Variants in TGIF1 observed in about 807,000 individuals in gnomAD.
TGIF1 encodes the protein TGFB induced factor homeobox 1.
A neutral mutation model predicts 19.3 loss-of-function variants in TGIF1; 4 were observed. The ratio of observed to expected loss-of-function variants is 0.21; its 90% CI spans 0.10 to 0.47. The LOEUF (loss-of-function observed/expected upper bound fraction) is 0.47. Ranked by LOEUF, TGIF1 falls within the 20% of genes least tolerant of loss-of-function variation. The pLI is 0.98. For missense variants in TGIF1, 275 were observed against 341.4 expected, an observed-to-expected ratio of 0.81 and a Z score of 1.53; for synonymous variants, 122 against 129.3, an observed-to-expected ratio of 0.94 and a Z score of 0.38.
intron 2 of TGIF1, among the ~76,000 whole-genome samples, chr18:3,434,414 T>C (rs146145681): frequency 1.8e-3 from 270 of 152,222 alleles, no homozygotes; most frequent in Non-Finnish European, 2.5e-3. Flanking sequence ...TGCATGCCTG[T>C]AATCCCAGCT....
In TGIF1 at chr18:3,451,924, C is replaced by G; in HGVS notation, c.16+1419C>G. Reference sequence around the variant, plus strand: ...GAGGACTGACAGGTCTAGAGACACGCGCTGTCTGTTGTGGTGGGCCTCCCG... The same window carrying G: ...GAGGACTGACAGGTCTAGAGACACGGGCTGTCTGTTGTGGTGGGCCTCCCG... On this transcript the variant is annotated intron_variant, in intron 1 of 2. Coordinates refer to ENST00000343820, the MANE Select transcript of TGIF1 (RefSeq NM_003244.4). The surrounding 1 kb of genome is among the most constrained non-coding windows in gnomAD (Gnocchi z 5.4). The G allele has an allele frequency of 6.5e-7, 1 of 1,534,636 alleles. No homozygotes were observed.
intron 2 of TGIF1, among the ~76,000 whole-genome samples, chr18:3,427,336 G>T (rs2082485680): frequency 6.6e-6 from 1 of 151,408 alleles, no homozygotes; most frequent in Admixed American, 6.6e-5. Context: ...CTGTTGCCCA[G>T]GCTAGAGTGC....
At chr18:3,450,726 TG>T (rs2082886155) in intron 1 of TGIF1, among the ~76,000 whole-genome samples, 1 of 152,242 alleles carries the variant, frequency 6.6e-6, no homozygotes. Flanking sequence ...CTCTCCACGC[TG>T]CTGGCACGTT....
At position 3,456,851 on chromosome 18, in the gene TGIF1, T is replaced by A. The variant is rs2049373220; in HGVS notation, c.243+271T>A. On this transcript the variant is annotated intron_variant, in intron 2 of 2. Transcript: ENST00000343820. This position sits in a 1 kb window ranked among gnomAD's most constrained non-coding sequence, Gnocchi z 4.2. ...ATTAAAAGGAGGTTAAACCTTACTC[T>A]ATTGTCCAGGAAACTGGTTTGATAT... 1 of 610,656 alleles carries A rather than the reference T, an allele frequency of 1.6e-6. No individual in the cohort carries two copies. The highest frequency in any genetic ancestry group is 1.9e-5 in the African/African-American group (1 of 54,028). The allele number at this position is 610,656 out of a possible 1,614,324, so 37.8% of individuals were successfully genotyped here. A position where few individuals can be genotyped will look rare whatever the true frequency, so the allele number is the denominator to read the frequency against.
upstream of TGIF1, chr18:3,448,703 A>C: frequency 1.8e-6 from 1 of 545,440 alleles, no homozygotes; most frequent in Non-Finnish European, 2.2e-6. Flanking sequence ...CACGCATTCT[A>C]GGGGCGGGGG....
intron 2 of TGIF1, among the ~76,000 whole-genome samples, chr18:3,430,618 C>T (rs2082534565): frequency 1.3e-5 from 2 of 152,022 alleles, no homozygotes; most frequent in African/African-American, 4.8e-5. Context: ...AATCCTCCCA[C>T]CTCAGCCTCC....
At chr18:3,414,583 C>T (rs1044162150) in intron 1 of TGIF1, among the ~76,000 whole-genome samples, 1 of 152,186 alleles carries the variant, frequency 6.6e-6, no homozygotes, top group African/African-American at 2.4e-5. Flanking sequence ...TGGCTCTACC[C>T]AGTGAACTTA....
intron 1 of TGIF1, among the ~76,000 whole-genome samples, chr18:3,413,498 A>G (rs941584784): frequency 7.9e-5 from 12 of 152,076 alleles, no homozygotes; most frequent in African/African-American, 2.9e-4. Context: ...TCGAGTTGTT[A>G]TTTTTCTCTG....
intron 2 of TGIF1, among the ~76,000 whole-genome samples, chr18:3,422,897 T>G (rs545554598): frequency 2.6e-5 from 4 of 152,034 alleles, no homozygotes; most frequent in Admixed American, 6.6e-5. Context: ...CACCGTGTTA[T>G]CCAGGATGGT....
Position 3,451,912 on chromosome 18 carries a change from T to C in TGIF1, c.16+1407T>C. The C allele has an allele frequency of 6.5e-7, 1 of 1,528,448 alleles. No individual in the cohort carries two copies. Among genetic ancestry groups the C allele is most frequent in the Non-Finnish European group, 8.8e-7 (1 of 1,138,618 alleles). The allele number at this position is 1,528,448 out of a possible 1,614,324, so 94.7% of individuals were successfully genotyped here. Reference sequence around the variant, plus strand: ...GCCGACCCTTGGGAGGACTGACAGGTCTAGAGACACGCGCTGTCTGTTGTG... The same window carrying C: ...GCCGACCCTTGGGAGGACTGACAGGCCTAGAGACACGCGCTGTCTGTTGTG... On this transcript the variant is annotated intron_variant, in intron 1 of 2. Coordinates refer to ENST00000343820, the MANE Select transcript of TGIF1 (RefSeq NM_003244.4). The surrounding 1 kb of genome is among the most constrained non-coding windows in gnomAD (Gnocchi z 5.4).
At chr18:3,430,881 G>A (rs974290763) in intron 2 of TGIF1, among the ~76,000 whole-genome samples, 3 of 152,064 alleles carry the variant, frequency 2.0e-5, no homozygotes, top group Non-Finnish European at 4.4e-5. Flanking sequence ...TGGCTCTTCA[G>A]TAGCTTTTAA....
At chr18:3,447,141 T>C (rs948631427), upstream of TGIF1, among the ~76,000 whole-genome samples, 5 of 152,154 alleles carry the variant, frequency 3.3e-5, no homozygotes, top group African/African-American at 7.2e-5. Context: ...TTGCTTGGCC[T>C]TGAGGCAGCT....
At chr18:3,426,196 T>A (rs1598861994) in intron 2 of TGIF1, among the ~76,000 whole-genome samples, 1 of 121,172 alleles carries the variant, frequency 8.3e-6, no homozygotes, top group Non-Finnish European at 1.6e-5. Context: ...TGAGACAGGG[T>A]CTTGCTCTGT....
At position 3,443,280 on chromosome 18, in the gene TGIF1, A is replaced by G. The variant is rs369157780; in HGVS notation, c.-44-13074A>G. Reference sequence around the variant, plus strand: ...CAATTAAATGCTCATTACTAAGAAAATAAATGAAAAAGCAAATTGCAGAAT... The same window carrying G: ...CAATTAAATGCTCATTACTAAGAAAGTAAATGAAAAAGCAAATTGCAGAAT... On this transcript the variant is annotated intron_variant, in intron 2 of 3. Transcript: ENST00000401449. 3.3e-5 allele frequency among the ~76,000 whole-genome samples: 5 copies of G among 152,364 alleles called. No homozygotes were observed. The East Asian group carries it at 7.7e-4, about 23-fold the overall frequency.
chr18:3,431,735 G>C lies in TGIF1; in HGVS notation c.-45+13520G>C, dbSNP rs149448170. Among the ~76,000 whole-genome samples the C allele has an allele frequency of 1.8e-3, 279 of 152,192 alleles. 6 individuals carry two copies. Among genetic ancestry groups the C allele is most frequent in the East Asian group, 5.8e-4 (3 of 5,180 alleles). ...CTTTATTATTATTTCAGATGGAGAG[G>C]CCTGGCTGACACCACCTTAACCAAG... On this transcript the variant is annotated intron_variant, in intron 2 of 3. Transcript: ENST00000401449.
At chr18:3,448,417 C>CG, upstream of TGIF1, 1 of 995,338 alleles carries the variant, frequency 1.0e-6, no homozygotes, top group Non-Finnish European at 1.2e-6. Context: ...TGTCCCGCAC[C>CG]GGGCGCAGCA....
At chr18:3,422,643 CAT>C (rs994534565) in intron 2 of TGIF1, among the ~76,000 whole-genome samples, 2 of 144,988 alleles carry the variant, frequency 1.4e-5, no homozygotes, top group African/African-American at 5.0e-5. Context: ...CTGCAGGCTC[CAT>C]TAATGTTAAG....
At chr18:3,426,676 G>C (rs903607804) in intron 2 of TGIF1, among the ~76,000 whole-genome samples, 1 of 152,150 alleles carries the variant, frequency 6.6e-6, no homozygotes, top group African/African-American at 2.4e-5. Flanking sequence ...CCCTTGTGAA[G>C]TAGAATTTGG....
At chr18:3,434,558 A>T (rs1010938487) in intron 2 of TGIF1, among the ~76,000 whole-genome samples, 2 of 151,718 alleles carry the variant, frequency 1.3e-5, no homozygotes, top group South Asian at 2.1e-4. Context: ...ATAAAAAAAT[A>T]AAAAAAATTA....
Sources: gnomAD v4.1 joint callset for allele counts (sites outside exome capture counted in the v4.1 genomes callset) on GRCh38, gnomAD v4.1.1 for gene constraint, Gnocchi (gnomAD v3.1) non-coding constraint, MANE v1.5 for transcripts, NCBI Gene and HGNC (gene_info 2026-07-23, HGNC 2026-07-21) for gene names.